The following HSD17B12 variants were observed in gnomAD, a reference collection of about 807,000 sequenced individuals.
HSD17B12 encodes the protein hydroxysteroid 17-beta dehydrogenase 12.
In HSD17B12, 32 loss-of-function variants were observed where a neutral mutation model predicts 39.3. That is an observed-to-expected ratio of 0.81 (90% CI 0.61 to 1.09). HSD17B12 has a LOEUF of 1.09. Among genes scored for constraint, HSD17B12 ranks in the 50% least tolerant of loss-of-function variants. HSD17B12 has a pLI of 0.00. For synonymous variants in HSD17B12, 150 were observed against 146.7 expected, an observed-to-expected ratio of 1.02 and a Z score of -0.16; for missense variants, 342 against 382.9, an observed-to-expected ratio of 0.89 and a Z score of 0.89.
the HSD17B12 span, among the ~76,000 whole-genome samples, chr11:43,669,337 C>A: frequency 2.0e-5 from 3 of 151,924 alleles, no homozygotes; most frequent in African/African-American, 7.3e-5. Flanking sequence ...CCCGTCTCTA[C>A]TAAAAATACA....
chr11:43,632,708 T>A, the HSD17B12 span, among the ~76,000 whole-genome samples: 2 of 152,216 alleles, frequency 1.3e-5, no homozygotes, highest in Non-Finnish European at 1.5e-5. Context: ...TGGAAGCAGT[T>A]CATGTTGACT....
chr11:43,842,550 A>C (rs971950454), intron 9 of HSD17B12, among the ~76,000 whole-genome samples: 1 of 152,206 alleles, frequency 6.6e-6, no homozygotes, highest in Non-Finnish European at 1.5e-5. Flanking sequence ...CCTTGACACC[A>C]GTCATTTTAA....
the HSD17B12 span, among the ~76,000 whole-genome samples, chr11:43,634,103 A>AAAAAAAAAAAAAAAAAAC: frequency 7.0e-6 from 1 of 143,764 alleles, no homozygotes; most frequent in Non-Finnish European, 1.5e-5. Flanking sequence ...AAAAAAAAAA[A>AAAAAAAAAAAAAAAAAAC]AAAAAAGAAA....
Position 43,855,140 on chromosome 11 carries a change from C to G in HSD17B12, c.835-4C>G. The G allele has an allele frequency of 6.3e-7, 1 of 1,580,644 alleles. No homozygotes were observed. The highest frequency in any genetic ancestry group is 8.7e-7 in the Non-Finnish European group (1 of 1,153,434). On this transcript the variant is annotated splice_polypyrimidine_tract_variant and splice_region_variant and intron_variant, in intron 10 of 10. Transcript: ENST00000278353. ...TACATATCTCTCTCATTCTGTTTCCCTAGGGCTCGATAATCTCAAACCTGC... is the reference window on the plus strand; with the variant it reads ...TACATATCTCTCTCATTCTGTTTCCGTAGGGCTCGATAATCTCAAACCTGC...
the HSD17B12 span, among the ~76,000 whole-genome samples, chr11:43,592,540 C>A: frequency 1.3e-5 from 2 of 152,078 alleles, no homozygotes; most frequent in Non-Finnish European, 2.9e-5. Flanking sequence ...TGTGACCACC[C>A]ACCTGGTGTG....
In HSD17B12 at chr11:43,750,897, T is replaced by A. The variant is rs1950459484; in HGVS notation, c.161-14T>A. The A allele has an allele frequency of 6.3e-7, 1 of 1,593,092 alleles. No individual in the cohort carries two copies. The highest frequency in any genetic ancestry group is 8.6e-7 in the Non-Finnish European group (1 of 1,165,818). ...AATTCTTAGACTAAACTATTGCTTTTTTCCCTTTCCCAGTTGTCACAGGTA... is the reference window on the plus strand; with the variant it reads ...AATTCTTAGACTAAACTATTGCTTTATTCCCTTTCCCAGTTGTCACAGGTA... On this transcript the variant is annotated splice_polypyrimidine_tract_variant and intron_variant, in intron 1 of 10. Transcript: ENST00000278353.
chr11:43,579,729 G>A, the HSD17B12 span, among the ~76,000 whole-genome samples: 2 of 152,128 alleles, frequency 1.3e-5, no homozygotes, highest in African/African-American at 4.8e-5. Context: ...GGAGCCGAGG[G>A]GATGCCGTGG....
At chr11:43,791,486 C>T (rs1396201848) in intron 3 of HSD17B12, among the ~76,000 whole-genome samples, 1 of 151,412 alleles carries the variant, frequency 6.6e-6, no homozygotes, top group Non-Finnish European at 1.5e-5. Flanking sequence ...GAGCTGAGAT[C>T]ACACTACTGC....
At chr11:43,837,262 C>A (rs1161956875) in intron 7 of HSD17B12, among the ~76,000 whole-genome samples, 1 of 151,960 alleles carries the variant, frequency 6.6e-6, no homozygotes, top group African/African-American at 2.4e-5. Flanking sequence ...CTTTATAGTC[C>A]CTTTTTTAAG....
intron 3 of HSD17B12, among the ~76,000 whole-genome samples, chr11:43,771,529 C>T (rs1232679951): frequency 7.9e-6 from 1 of 127,124 alleles, no homozygotes; most frequent in Non-Finnish European, 1.6e-5. Context: ...TGCAGTGGGG[C>T]AATCTCAGCT....
chr11:43,809,739 G>C (rs895992449), intron 4 of HSD17B12, among the ~76,000 whole-genome samples: 3 of 152,190 alleles, frequency 2.0e-5, no homozygotes, highest in Non-Finnish European at 4.4e-5. Context: ...AGAATCGCTT[G>C]AACCCAGGAG....
At chr11:43,828,893 G>A (rs551353719) in intron 6 of HSD17B12, among the ~76,000 whole-genome samples, 6 of 152,252 alleles carry the variant, frequency 3.9e-5, no homozygotes, top group South Asian at 2.1e-4. Flanking sequence ...TAACTAATGC[G>A]TAGAATATTA....
At chr11:43,791,757 A>G (rs1950870057) in intron 3 of HSD17B12, among the ~76,000 whole-genome samples, 1 of 152,192 alleles carries the variant, frequency 6.6e-6, no homozygotes, top group South Asian at 2.1e-4. Flanking sequence ...ACGTCCTATC[A>G]ATAGAACAGA....
chr11:43,746,062 A>T (rs1229940762), intron 1 of HSD17B12, among the ~76,000 whole-genome samples: 1 of 152,172 alleles, frequency 6.6e-6, no homozygotes, highest in Non-Finnish European at 1.5e-5. Flanking sequence ...TAGGACGCTT[A>T]CTGTGAATGG....
At position 43,734,411 on chromosome 11, in the gene HSD17B12, G is replaced by C. The variant is rs371218386; in HGVS notation, c.161-16500G>C. On this transcript the variant is annotated intron_variant, in intron 1 of 10. Coordinates refer to ENST00000278353, the MANE Select transcript of HSD17B12 (RefSeq NM_016142.3). ...CTCTGCTGAGGGTGACTCTAAGGCA[G>C]CCGAGCTGATCACCAACTCACTGGC... is the stretch of plus-strand genomic sequence containing the variant. The C allele has an allele frequency of 1.4e-4, 108 of 781,682 alleles. No individual in the cohort carries two copies. In the African/African-American group the frequency reaches 1.5e-3, roughly 11 times the overall value. The allele number at this position is 781,682 out of a possible 1,614,324, so 48.4% of individuals were successfully genotyped here.
rs1951007311 is a variant in HSD17B12, at chr11:43,805,269, A to T, written c.391+6842A>T. On this transcript the variant is annotated intron_variant, in intron 4 of 10. Transcript: ENST00000278353. ...GAAGTGTAAATACCTCTAAAGGGCT[A>T]ATGGCACCTGTTATTTAATTCTTAT... 2.0e-5 allele frequency among the ~76,000 whole-genome samples: 3 copies of T among 148,104 alleles called. No individual in the cohort carries two copies. In the South Asian group the frequency reaches 6.4e-4, roughly 31 times the overall value.
chr11:43,840,381 G>A (rs1177854396), intron 9 of HSD17B12, among the ~76,000 whole-genome samples: 1 of 151,908 alleles, frequency 6.6e-6, no homozygotes, highest in Admixed American at 6.6e-5. Flanking sequence ...TTTAATTGTG[G>A]TAAAATAAAC....
At position 43,855,170 on chromosome 11, in the gene HSD17B12, T is replaced by C. The variant is rs1951571237; in HGVS notation, c.861T>C (p.Ser287=). The change falls in exon 11 of 11, where the codon TCT becomes TCC. Residue 287 remains serine, a synonymous_variant. Coordinates refer to ENST00000278353, the MANE Select transcript of HSD17B12 (RefSeq NM_016142.3). ...GCTCGATAATCTCAAACCTGCCTTC[T>C]TGGATTTATTTGAAAATAGTCATGA... ...LMGSIISNLP[S]WIYLKIVMNM... is the part of the protein sequence containing the mutation. 1 of 1,610,950 alleles carries C rather than the reference T, an allele frequency of 6.2e-7. No individual in the cohort carries two copies. Among genetic ancestry groups the C allele is most frequent in the Non-Finnish European group, 8.5e-7 (1 of 1,178,498 alleles).
chr11:43,577,551 G>A, the HSD17B12 span, among the ~76,000 whole-genome samples: 10 of 152,262 alleles, frequency 6.6e-5, no homozygotes, highest in Admixed American at 5.9e-4. Context: ...CGGTGATGGT[G>A]ACTCAAAATA....
Sources: gnomAD v4.1 joint callset for allele counts (sites outside exome capture counted in the v4.1 genomes callset) on GRCh38, gnomAD v4.1.1 for gene constraint, MANE v1.5 for transcripts, NCBI Gene and HGNC (gene_info 2026-07-23, HGNC 2026-07-21) for gene names.